NAALADL2: variants seen among roughly 807,000 people sequenced by gnomAD.
The protein encoded by NAALADL2 is N-acetylated alpha-linked acidic dipeptidase like 2.
NAALADL2 carries 76 observed loss-of-function variants against 87.2 expected under a neutral mutation model. The ratio of observed to expected loss-of-function variants is 0.87; its 90% CI spans 0.72 to 1.05. NAALADL2 has a LOEUF of 1.05. Among genes scored for constraint, NAALADL2 ranks in the 50% least tolerant of loss-of-function variants. The pLI, the probability that NAALADL2 is intolerant of heterozygous loss-of-function variation, is 0.00. For missense variants in NAALADL2, 1,089 were observed against 945.8 expected (o/e 1.15, Z -1.99); for synonymous variants, 354 against 331.0 (o/e 1.07, Z -0.75).
intron 1 of NAALADL2, among the ~76,000 whole-genome samples, chr3:174,991,391 AT>A (rs1746721785): frequency 6.6e-6 from 1 of 151,998 alleles, no homozygotes; most frequent in South Asian, 2.1e-4. Context: ...ATTTTCTCTA[AT>A]GATAGAAATC....
chr3:174,736,976 A>G (rs1391985070), intron 2 of NAALADL2, among the ~76,000 whole-genome samples: 1 of 152,212 alleles, frequency 6.6e-6, no homozygotes, highest in African/African-American at 2.4e-5. Context: ...ACACCCAGCC[A>G]GGTTGCAACA....
intron 2 of NAALADL2, among the ~76,000 whole-genome samples, chr3:175,165,884 C>T (rs1361725745): frequency 6.6e-6 from 1 of 151,962 alleles, no homozygotes; most frequent in African/African-American, 2.4e-5. Context: ...GATTGATCCA[C>T]CCTCTTCCTC....
At chr3:175,089,034 A>G (rs1005688918) in intron 1 of NAALADL2, among the ~76,000 whole-genome samples, 39 of 151,974 alleles carry the variant, frequency 2.6e-4, no homozygotes, top group South Asian at 1.7e-3. Context: ...GAAAAAAAAA[A>G]TTGTAAATGT....
At chr3:174,622,528 T>A (rs1343738080) in intron 2 of NAALADL2, among the ~76,000 whole-genome samples, 1 of 152,138 alleles carries the variant, frequency 6.6e-6, no homozygotes, top group Non-Finnish European at 1.5e-5. Flanking sequence ...AACTTTTGAA[T>A]CCCTCCAAAT....
intron 11 of NAALADL2, among the ~76,000 whole-genome samples, chr3:175,652,629 C>T (rs1560918574): frequency 6.6e-6 from 1 of 151,884 alleles, no homozygotes; most frequent in Non-Finnish European, 1.5e-5. Flanking sequence ...CAGGCGCCCA[C>T]CACCGCGCCC....
At chr3:174,870,007 CA>C (rs71624295) in intron 1 of NAALADL2, among the ~76,000 whole-genome samples, 2,713 of 62,920 alleles carry the variant, frequency 0.043, 36 homozygotes, top group African/African-American at 0.14. Context: ...CCCCACCCGC[CA>C]AAAAAAAAAA....
chr3:175,119,670 G>T (rs967200735), intron 2 of NAALADL2, among the ~76,000 whole-genome samples: 1 of 90,382 alleles, frequency 1.1e-5, no homozygotes, highest in African/African-American at 4.2e-5. Flanking sequence ...GAAGGTTGAG[G>T]AGTCACTTAG....
intron 2 of NAALADL2, among the ~76,000 whole-genome samples, chr3:174,573,807 C>G (rs533759397): frequency 9.2e-4 from 140 of 152,242 alleles, no homozygotes; most frequent in African/African-American, 3.3e-3. Context: ...TACTCATGAT[C>G]CAAACACTCC....
At chr3:175,710,610 GCACATATA>G (rs1347434133) in intron 11 of NAALADL2, among the ~76,000 whole-genome samples, 1 of 150,154 alleles carries the variant, frequency 6.7e-6, no homozygotes, top group Non-Finnish European at 1.5e-5. Context: ...ACATATATAG[GCACATATA>G]CACATATAGA....
chr3:174,887,881 C>T (rs1387954981), intron 1 of NAALADL2, among the ~76,000 whole-genome samples: 3 of 149,806 alleles, frequency 2.0e-5, no homozygotes, highest in Admixed American at 6.6e-5. Context: ...TTTCTGTTGT[C>T]ATGGAGCTTG....
At chr3:174,739,172 C>T (rs1291181295) in intron 3 of NAALADL2, among the ~76,000 whole-genome samples, 7 of 152,144 alleles carry the variant, frequency 4.6e-5, no homozygotes, top group Admixed American at 4.6e-4. Context: ...TTTTTTACAG[C>T]AGTGGAGTGT....
chr3:175,323,745 C>T (rs1481712488), intron 4 of NAALADL2, among the ~76,000 whole-genome samples: 2 of 151,240 alleles, frequency 1.3e-5, no homozygotes, highest in Non-Finnish European at 1.5e-5. Flanking sequence ...AGGCCGGGTG[C>T]AGTGGCTCAC....
Position 174,956,986 on chromosome 3 carries a change from C to T in NAALADL2, c.43+97536C>T, listed in dbSNP as rs556592658. Among the ~76,000 whole-genome samples, 7 of 152,098 alleles carry T rather than the reference C, an allele frequency of 4.6e-5. No individual in the cohort carries two copies. The South Asian group carries it at 1.5e-3, about 32-fold the overall frequency. ...AGGGATGTAGCTTTCTCTATCAGTA[C>T]TCACCGCTTTTACTTTCCTTCTGTC... On this transcript the variant is annotated intron_variant, in intron 1 of 13. Coordinates refer to ENST00000454872, the MANE Select transcript of NAALADL2 (RefSeq NM_207015.3).
intron 3 of NAALADL2, among the ~76,000 whole-genome samples, chr3:174,809,126 A>G (rs1719857186): frequency 6.6e-6 from 1 of 152,176 alleles, no homozygotes; most frequent in Non-Finnish European, 1.5e-5. Flanking sequence ...GTAGAAATCA[A>G]TTGAAAAAGA....
intron 5 of NAALADL2, among the ~76,000 whole-genome samples, chr3:175,349,286 A>G (rs191596006): frequency 7.1e-4 from 108 of 152,076 alleles, no homozygotes; most frequent in Middle Eastern, 3.4e-3. Context: ...CCAGATCTGA[A>G]GTATGTTAAG....
intron 1 of NAALADL2, among the ~76,000 whole-genome samples, chr3:174,885,529 A>C (rs564360209): frequency 6.6e-6 from 1 of 152,250 alleles, no homozygotes; most frequent in Admixed American, 6.5e-5. Context: ...AGAGTGTCAA[A>C]TGCAATTATT....
At chr3:175,130,793 A>G (rs918166249) in intron 2 of NAALADL2, among the ~76,000 whole-genome samples, 3 of 152,112 alleles carry the variant, frequency 2.0e-5, no homozygotes, top group Admixed American at 6.5e-5. Flanking sequence ...GTGGCACACT[A>G]TTTTGATTAC....
chr3:174,882,437 G>GTGTA (rs1729317285), intron 1 of NAALADL2, among the ~76,000 whole-genome samples: 1 of 144,324 alleles, frequency 6.9e-6, no homozygotes, highest in Non-Finnish European at 1.5e-5. Context: ...GTGTGTGTGT[G>GTGTA]TATATATGTG....
At chr3:175,007,365 G>A (rs1301167851) in intron 1 of NAALADL2, among the ~76,000 whole-genome samples, 1 of 152,092 alleles carries the variant, frequency 6.6e-6, no homozygotes, top group Admixed American at 6.6e-5. Context: ...GAATATGTGA[G>A]GCTGACTTAG....
Sources: gnomAD v4.1 joint callset for allele counts (sites outside exome capture counted in the v4.1 genomes callset) on GRCh38, gnomAD v4.1.1 for gene constraint, MANE v1.5 for transcripts, NCBI Gene and HGNC (gene_info 2026-07-23, HGNC 2026-07-21) for gene names.